TMEM117: variants seen among roughly 807,000 people sequenced by gnomAD.
The protein encoded by TMEM117 is transmembrane protein 117.
Under a neutral mutation model 52.4 loss-of-function variants are expected in TMEM117, and 27 were observed. The observed-to-expected ratio is 0.51, with a 90% CI of 0.38 to 0.71. TMEM117 has a LOEUF of 0.71. Among genes scored for constraint, TMEM117 ranks in the 30% least tolerant of loss-of-function variants. The pLI, the probability that TMEM117 is intolerant of heterozygous loss-of-function variation, is 0.00. For synonymous variants in TMEM117, 215 were observed against 206.3 expected (o/e 1.04, Z -0.36); for missense variants, 556 against 630.5 (o/e 0.88, Z 1.26).
chr12:44,197,026 A>G (rs1037204413), intron 4 of TMEM117, among the ~76,000 whole-genome samples: 3 of 152,140 alleles, frequency 2.0e-5, no homozygotes, highest in Non-Finnish European at 4.4e-5. Context: ...AACCATTTTG[A>G]TAAGTGGTAT....
intron 2 of TMEM117, among the ~76,000 whole-genome samples, chr12:43,875,849 A>G (rs1565730257): frequency 2.0e-5 from 3 of 151,796 alleles, no homozygotes; most frequent in Non-Finnish European, 4.4e-5. Flanking sequence ...CTTCCCCATT[A>G]TATATTACGT....
At chr12:43,871,354 T>A (rs910610942) in intron 2 of TMEM117, among the ~76,000 whole-genome samples, 2 of 152,216 alleles carry the variant, frequency 1.3e-5, no homozygotes, top group Admixed American at 6.5e-5. Context: ...TCCGCCTGCC[T>A]CTGCCTCCCA....
intron 5 of TMEM117, among the ~76,000 whole-genome samples, chr12:44,256,383 C>T (rs1451903569): frequency 6.6e-6 from 1 of 151,694 alleles, no homozygotes; most frequent in African/African-American, 2.4e-5. Context: ...ATGTTTTAAC[C>T]TTTTAAATAT....
chr12:43,821,425 C>A, the TMEM117 span, among the ~76,000 whole-genome samples: 1 of 152,140 alleles, frequency 6.6e-6, no homozygotes, highest in East Asian at 1.9e-4. Context: ...GGACTACAGG[C>A]ACACACCACC....
At chr12:43,896,796 A>AC (rs1944211807) in intron 2 of TMEM117, among the ~76,000 whole-genome samples, 1 of 152,104 alleles carries the variant, frequency 6.6e-6, no homozygotes, top group Non-Finnish European at 1.5e-5. Context: ...TCAATTGCTG[A>AC]CCCACAGCTT....
intron 3 of TMEM117, among the ~76,000 whole-genome samples, chr12:44,007,154 A>G (rs1273982691): frequency 1.3e-5 from 2 of 152,204 alleles, no homozygotes; most frequent in East Asian, 3.8e-4. Context: ...TGTTTTACTT[A>G]TACAAAACTA....
At chr12:44,184,882 A>G (rs1565566113) in intron 4 of TMEM117, among the ~76,000 whole-genome samples, 2 of 152,236 alleles carry the variant, frequency 1.3e-5, no homozygotes, top group African/African-American at 2.4e-5. Flanking sequence ...AAACTAATGC[A>G]ATCTCAAACA....
At position 43,907,057 on chromosome 12, in the gene TMEM117, A is replaced by T. The variant is rs558001164; in HGVS notation, c.278-37153A>T. 4.1e-3 allele frequency among the ~76,000 whole-genome samples: 619 copies of T among 152,340 alleles called. 5 individuals are homozygous for T. Among genetic ancestry groups the T allele is most frequent in the African/African-American group, 0.014 (602 of 41,580 alleles). On this transcript the variant is annotated intron_variant, in intron 2 of 7. Coordinates refer to ENST00000266534, the MANE Select transcript of TMEM117 (RefSeq NM_032256.3). Reference sequence around the variant, plus strand: ...CTGTGGGGGCAGGGCACAGACAAACAAAAAGACAGCAGTAACCTCTGCAGA... The same window carrying T: ...CTGTGGGGGCAGGGCACAGACAAACTAAAAGACAGCAGTAACCTCTGCAGA...
intron 2 of TMEM117, among the ~76,000 whole-genome samples, chr12:43,909,864 C>G (rs893150327): frequency 7.6e-6 from 1 of 131,286 alleles, no homozygotes; most frequent in African/African-American, 2.6e-5. Context: ...AGCTTACCAA[C>G]GAAAAAGAGT....
At chr12:44,100,265 A>G (rs1947839528) in intron 3 of TMEM117, among the ~76,000 whole-genome samples, 1 of 152,006 alleles carries the variant, frequency 6.6e-6, no homozygotes. Context: ...AATATGTGGG[A>G]TAAGGTTGCA....
At chr12:44,182,150 CTGTT>C (rs1455204360) in intron 4 of TMEM117, among the ~76,000 whole-genome samples, 6 of 152,094 alleles carry the variant, frequency 3.9e-5, no homozygotes, top group Non-Finnish European at 8.8e-5. Context: ...ATTTGGCTCT[CTGTT>C]TGTCTGTTGT....
At chr12:44,237,213 A>G (rs905337018) in intron 5 of TMEM117, among the ~76,000 whole-genome samples, 2 of 152,132 alleles carry the variant, frequency 1.3e-5, no homozygotes, top group African/African-American at 4.8e-5. Context: ...CATCTGATTA[A>G]AACAGTCACG....
intron 3 of TMEM117, among the ~76,000 whole-genome samples, chr12:44,056,780 CTG>C (rs2137941952): frequency 6.6e-6 from 1 of 152,242 alleles, no homozygotes; most frequent in South Asian, 2.1e-4. Flanking sequence ...CTGTCTTTCT[CTG>C]TGTATAACAT....
At chr12:43,959,995 A>G (rs910746708) in intron 3 of TMEM117, among the ~76,000 whole-genome samples, 1 of 152,198 alleles carries the variant, frequency 6.6e-6, no homozygotes, top group Non-Finnish European at 1.5e-5. Context: ...GCCGAGTTGT[A>G]TGTTTTAATG....
chr12:44,120,202 A>G (rs2138135401), intron 3 of TMEM117, among the ~76,000 whole-genome samples: 1 of 152,280 alleles, frequency 6.6e-6, no homozygotes, highest in Non-Finnish European at 1.5e-5. Context: ...GACAAAAAAA[A>G]TACTTCAAAT....
chr12:43,935,777 T>C (rs532212694), intron 2 of TMEM117, among the ~76,000 whole-genome samples: 1 of 152,298 alleles, frequency 6.6e-6, no homozygotes, highest in African/African-American at 2.4e-5. Flanking sequence ...CTTTCTATAA[T>C]CCCAGATATA....
intron 3 of TMEM117, among the ~76,000 whole-genome samples, chr12:44,072,977 T>G (rs1947325141): frequency 6.6e-6 from 1 of 151,940 alleles, no homozygotes; most frequent in African/African-American, 2.4e-5. Flanking sequence ...GTAGTCCCAC[T>G]TACTCAGAAG....
chr12:44,218,410 A>G (rs1949747067), intron 5 of TMEM117, among the ~76,000 whole-genome samples: 1 of 152,204 alleles, frequency 6.6e-6, no homozygotes, highest in African/African-American at 2.4e-5. Context: ...AATAGTACAG[A>G]AAAAGCATTT....
chr12:44,184,010 C>T (rs1268005478), intron 4 of TMEM117, among the ~76,000 whole-genome samples: 1 of 152,124 alleles, frequency 6.6e-6, no homozygotes, highest in African/African-American at 2.4e-5. Context: ...TGGGAAGGGA[C>T]TTTGCAGATG....
Sources: allele counts gnomAD v4.1 joint callset (sites outside exome capture counted in the v4.1 genomes callset), GRCh38; gene constraint gnomAD v4.1.1; transcripts MANE v1.5; gene names NCBI Gene and HGNC (gene_info 2026-07-23, HGNC 2026-07-21).